Variants in MATN4 observed in about 807,000 individuals in gnomAD.
MATN4 encodes the protein matrilin-4.
MATN4 carries 40 observed loss-of-function variants against 54.6 expected under a neutral mutation model. The observed-to-expected ratio is 0.73, with a 90% CI of 0.57 to 0.95. MATN4 has a LOEUF of 0.95. MATN4 is among the 40% of genes least tolerant of loss of function. The pLI is 0.00. For missense variants in MATN4, 810 were observed against 819.1 expected (o/e 0.99, Z 0.13); for synonymous variants, 351 against 345.3 (o/e 1.02, Z -0.18).
chr20:45,295,706 G>A (rs954245310), intron 8 of MATN4, among the ~76,000 whole-genome samples: 96 of 152,098 alleles, frequency 6.3e-4, no homozygotes, highest in Admixed American at 1.6e-3. Context: ...GTTTTTAAAG[G>A]TCCACCAGGT....
rs142789919 is a variant in MATN4 at position 45,298,894 on chromosome 20, A to G, written c.1013-311T>C. ...AACTACCATTTATTGATCATCTACTATGTATCAGGCACACTTCTAAGCACT... is the reference window on the plus strand; with the variant it reads ...AACTACCATTTATTGATCATCTACTGTGTATCAGGCACACTTCTAAGCACT... On this transcript the variant is annotated intron_variant, in intron 6 of 9. Coordinates refer to ENST00000372756, the MANE Select transcript of MATN4 (RefSeq NM_001393530.1). The surrounding 1 kb of genome is among the most constrained non-coding windows in gnomAD (Gnocchi z 4.6). Among the ~76,000 whole-genome samples the G allele has an allele frequency of 2.7e-3, 409 of 152,286 alleles. 2 individuals are homozygous for G. Among genetic ancestry groups the G allele is most frequent in the African/African-American group, 9.6e-3 (397 of 41,546 alleles).
At chr20:45,294,189 G>T (rs1985667399) in intron 8 of MATN4, among the ~76,000 whole-genome samples, 174 bp from the exon 9 acceptor site, 1 of 152,200 alleles carries the variant, frequency 6.6e-6, no homozygotes, top group South Asian at 2.1e-4. Flanking sequence ...ACCTTTCTAA[G>T]CTCAGTTTTC....
chr20:45,301,288 AGG>A, intron 4 of MATN4, 31 bp downstream of exon 4: 1 of 969,992 alleles, frequency 1.0e-6, no homozygotes, highest in Non-Finnish European at 1.5e-6. Flanking sequence ...GCCACAGTCC[AGG>A]GTGTGGTGGG....
At chr20:45,303,739 G>C (rs1986389454) in intron 3 of MATN4, among the ~76,000 whole-genome samples, 1 of 152,192 alleles carries the variant, frequency 6.6e-6, no homozygotes, top group Non-Finnish European at 1.5e-5. Flanking sequence ...AATTAGACAC[G>C]TCAGTGGGCT....
chr20:45,307,415 C>G (rs979770336), intron 1 of MATN4, among the ~76,000 whole-genome samples: 1 of 152,250 alleles, frequency 6.6e-6, no homozygotes, highest in South Asian at 2.1e-4. Flanking sequence ...CAGGGCCCGT[C>G]GTGGGAGGGT....
chr20:45,303,097 A>AAAAAG (rs1555854268), intron 3 of MATN4, among the ~76,000 whole-genome samples: 58 of 147,562 alleles, frequency 3.9e-4, no homozygotes, highest in Non-Finnish European at 8.0e-4. Flanking sequence ...AAAAAAAAAA[A>AAAAAG]AAAAAAAGAG....
upstream of MATN4, chr20:45,308,595 G>A (rs988204075): frequency 2.1e-5 from 6 of 285,602 alleles, no homozygotes; most frequent in African/African-American, 6.4e-5. Flanking sequence ...GGGGTGGAGC[G>A]GTCCTGGCTG....
chr20:45,293,536 G>C lies in MATN4; in HGVS notation c.*231C>G. ...CGCAGCACGCGGCGAGGGCGTGCCGGTCTAGCACGTGCCCCTTCCCTCACC... is the reference window on the plus strand; with the variant it reads ...CGCAGCACGCGGCGAGGGCGTGCCGCTCTAGCACGTGCCCCTTCCCTCACC... On this transcript the variant is annotated 3_prime_UTR_variant, in exon 10 of 10. Transcript: ENST00000372756. 1 of 514,272 alleles carries C rather than the reference G, an allele frequency of 1.9e-6. No individual in the cohort carries two copies. Among genetic ancestry groups the C allele is most frequent in the Non-Finnish European group, 3.4e-6 (1 of 294,328 alleles). 31.9% of individuals were successfully genotyped at this position (514,272 alleles called of 1,614,324 possible).
chr20:45,302,095 GTTGA>G (rs1461888007), intron 3 of MATN4, among the ~76,000 whole-genome samples: 1 of 152,118 alleles, frequency 6.6e-6, no homozygotes, highest in Non-Finnish European at 1.5e-5. Flanking sequence ...CAACGAAGAG[GTTGA>G]TTAACATGCA....
intron 3 of MATN4, 114 bp downstream of exon 3, chr20:45,304,114 T>G (rs1394103885): frequency 2.2e-6 from 2 of 926,998 alleles, no homozygotes; most frequent in Admixed American, 6.2e-5. Context: ...TCAGGGCAAC[T>G]CTACCTGGAA....
chr20:45,299,032 A>T (rs1219456734), intron 6 of MATN4, among the ~76,000 whole-genome samples: 1 of 152,202 alleles, frequency 6.6e-6, no homozygotes, highest in Non-Finnish European at 1.5e-5. Context: ...ATAAGCTTGA[A>T]TATTGTCCCC....
Position 45,293,938 on chromosome 20 carries a change from G to C in MATN4, c.1657C>G (p.Leu553Val). 1 of 1,602,086 alleles carries C rather than the reference G, an allele frequency of 6.2e-7. No individual in the cohort carries two copies. The highest frequency in any genetic ancestry group is 2.2e-5 in the East Asian group (1 of 44,590). The change falls in exon 9 of 10, where the codon CTG becomes GTG. Residue 553 changes from leucine (L) to valine (V), a missense_variant. Leu to Val is a conservative substitution (Grantham distance 32). Transcript: ENST00000372756. ...ESLVEFQGRT[L>V]GALESLTLNL... ...AGCGTCAGGCTCTCGAGCGCCCCCA[G>C]CGTGCGGCCCTGGAACTCCACGAGG...
chr20:45,298,353 C>A lies in MATN4; in HGVS notation c.1243G>T (p.Val415Leu). 1.2e-6 allele frequency: 2 copies of A among 1,613,056 alleles called. No individual in the cohort carries two copies. The highest frequency in any genetic ancestry group is 1.7e-5 in the Admixed American group (1 of 59,962). Residue 415 changes from valine to leucine, a missense_variant, in exon 7 of 10, where the codon GTG becomes TTG. By Grantham distance (32) the Val-to-Leu change is conservative. Transcript: ENST00000372756. This position sits in a 1 kb window ranked among gnomAD's most constrained non-coding sequence, Gnocchi z 4.6. ...ATGGTGCCGCGTTCCATGTACTCCA[C>A]GGCCAGGACCGCCTGCTTCACCTCG... Reference protein sequence around the residue: ...AAEVKQAVLAVEYMERGTMTG... With the variant: ...AAEVKQAVLALEYMERGTMTG...
chr20:45,296,800 C>T, intron 8 of MATN4, among the ~76,000 whole-genome samples: 1 of 151,858 alleles, frequency 6.6e-6, no homozygotes, highest in East Asian at 1.9e-4. Context: ...TATATACATG[C>T]ACGTGCATGT....
At chr20:45,308,080 C>T in intron 1 of MATN4, 95 bp downstream of exon 1, 1 of 1,201,100 alleles carries the variant, frequency 8.3e-7, no homozygotes, top group East Asian at 2.4e-5. Flanking sequence ...GATAGGGCAC[C>T]CTAGGCAGCG....
intron 6 of MATN4, among the ~76,000 whole-genome samples, chr20:45,300,210 G>A (rs946961970): frequency 6.6e-6 from 1 of 152,192 alleles, no homozygotes; most frequent in Admixed American, 6.5e-5. Context: ...AAGGCAGTAA[G>A]GGACAGTCTA....
At chr20:45,296,938 C>T (rs1485864373) in intron 8 of MATN4, among the ~76,000 whole-genome samples, 3 of 151,908 alleles carry the variant, frequency 2.0e-5, no homozygotes, top group Non-Finnish European at 4.4e-5. Context: ...TCACTGCAAC[C>T]TCCACCTCCC....
At chr20:45,297,123 C>T (rs1388281268) in intron 8 of MATN4, among the ~76,000 whole-genome samples, 1 of 151,128 alleles carries the variant, frequency 6.6e-6, no homozygotes, top group Non-Finnish European at 1.5e-5. Flanking sequence ...TGAGCCACTG[C>T]GCCCAGCCCC....
chr20:45,302,721 G>A (rs888843598), intron 3 of MATN4, among the ~76,000 whole-genome samples: 1 of 152,068 alleles, frequency 6.6e-6, no homozygotes, highest in Non-Finnish European at 1.5e-5. Context: ...GCATGAGGGG[G>A]GACACCCACC....
Sources: gnomAD v4.1 joint callset for allele counts (sites outside exome capture counted in the v4.1 genomes callset) on GRCh38, gnomAD v4.1.1 for gene constraint, Gnocchi (gnomAD v3.1) non-coding constraint, MANE v1.5 for transcripts, NCBI Gene and HGNC (gene_info 2026-07-23, HGNC 2026-07-21) for gene names.